Variants in CORO6 observed in about 807,000 individuals in gnomAD.
The protein encoded by CORO6 is coronin 6, also known as coronin-6.
Under a neutral mutation model 49.0 loss-of-function variants are expected in CORO6, and 43 were observed. The observed-to-expected ratio is 0.88, with a 90% confidence interval of 0.69 to 1.13. CORO6 has a LOEUF of 1.13. Ranked by LOEUF, CORO6 falls within the 50% of genes most tolerant of loss-of-function variation. The pLI is 0.00. For missense variants in CORO6, 650 were observed against 647.0 expected, an observed-to-expected ratio of 1.00 and a Z score of -0.05; for synonymous variants, 233 against 256.5, an observed-to-expected ratio of 0.91 and a Z score of 0.88.
Position 29,615,624 on chromosome 17 carries a change from C to T in CORO6, c.*108G>A. The T allele has an allele frequency of 2.4e-6, 3 of 1,266,916 alleles. No individual in the cohort carries two copies. The highest frequency in any genetic ancestry group is 3.1e-6 in the Non-Finnish European group (3 of 953,702). The allele number at this position is 1,266,916 out of a possible 1,614,324, so 78.5% of individuals were successfully genotyped here. A position where few individuals can be genotyped will look rare whatever the true frequency, so the allele number is the denominator to read the frequency against. ...AGGGGCGGAGTTCCCTCCCCAGTCC[C>T]GCCCCCGGGCCCAGCCCAAGAAGGC... On this transcript the variant is annotated 3_prime_UTR_variant, in exon 11 of 11. Transcript: ENST00000388767.
rs761284520 is a variant in CORO6, at chr17:29,616,901, A to G, written c.858+37T>C. The G allele has an allele frequency of 1.5e-5, 25 of 1,613,342 alleles. No individual in the cohort carries two copies. The highest frequency in any genetic ancestry group is 5.3e-5 in the African/African-American group (4 of 74,852). On this transcript the variant is annotated intron_variant, in intron 7 of 10. Coordinates refer to ENST00000388767, the MANE Select transcript of CORO6 (RefSeq NM_032854.4). The surrounding 1 kb of genome is among the most constrained non-coding windows in gnomAD (Gnocchi z 5.6). ...CCCGGACAAGGCCCTCCACATCTCC[A>G]TCCAGTGCCCTGTTCTCCCTGCCCG...
intron 6 of CORO6, 43 bp downstream of exon 6, chr17:29,617,457 G>A: frequency 1.9e-6 from 3 of 1,576,734 alleles, no homozygotes; most frequent in African/African-American, 1.3e-5. Context: ...CTCCCGTGAT[G>A]CCAGTCCCCG....
chr17:29,617,921 A>T, intron 5 of CORO6: 1 of 843,976 alleles, frequency 1.2e-6, no homozygotes, highest in African/African-American at 1.8e-5. Context: ...AGTCGCAGCG[A>T]GGCTTTTCCC....
At position 29,622,879 on chromosome 17, in the gene CORO6, G is replaced by T; in HGVS notation, c.-255C>A. On this transcript the variant is annotated 5_prime_UTR_variant, in exon 1 of 11. The change creates a new upstream start codon in the 5' untranslated region. Coordinates refer to ENST00000388767, the MANE Select transcript of CORO6 (RefSeq NM_032854.4). ...CTCTCTAGAGCCCGGCGCCGCTGCAGCCCCAGCTGCCGCTGCCATCAACCT... is the reference window on the plus strand; with the variant it reads ...CTCTCTAGAGCCCGGCGCCGCTGCATCCCCAGCTGCCGCTGCCATCAACCT... 7.8e-7 allele frequency: 1 copy of T among 1,288,438 alleles called. No individual in the cohort carries two copies. Among genetic ancestry groups the T allele is most frequent in the Non-Finnish European group, 1.0e-6 (1 of 983,908 alleles). 79.8% of individuals were successfully genotyped at this position (1,288,438 alleles called of 1,614,324 possible).
chr17:29,617,016 C>T lies in CORO6; in HGVS notation c.780G>A (p.Leu260=). 6.2e-7 allele frequency: 1 copy of T among 1,613,714 alleles called. No individual in the cohort carries two copies. Among genetic ancestry groups the T allele is most frequent in the Non-Finnish European group, 8.5e-7 (1 of 1,180,020 alleles). ...CCCCGTTGCTTGTGTCCATCTCCTG[C>T]AGTGCCACTGGCTCCTCGAAGTTGT... ...DPNNFEEPVA[L]QEMDTSNGVL... Residue 260 remains leucine, a synonymous_variant, in exon 7 of 11, where the codon CTG becomes CTA. Transcript: ENST00000388767.
At chr17:29,618,031 G>A (rs1472899246) in intron 5 of CORO6, 6 of 1,479,622 alleles carry the variant, frequency 4.1e-6, no homozygotes, top group Non-Finnish European at 5.3e-6. Context: ...TAGCGCGCCC[G>A]GCGCGGCCTG....
In CORO6 at chr17:29,615,869, G is replaced by T; in HGVS notation, c.1294-12C>A. The T allele has an allele frequency of 1.2e-6, 2 of 1,600,780 alleles. No homozygotes were observed. Among genetic ancestry groups the T allele is most frequent in the Non-Finnish European group, 1.7e-6 (2 of 1,174,490 alleles). On this transcript the variant is annotated splice_polypyrimidine_tract_variant and intron_variant, in intron 10 of 10. Coordinates refer to ENST00000388767, the MANE Select transcript of CORO6 (RefSeq NM_032854.4). The stretch of plus-strand genomic sequence containing the variant: ...AGGGTGTGCTGCTGCTGGGGCGGAG[G>T]ACAGAGAGGCCGTGTCGTATAGGGG...
In CORO6 at chr17:29,621,969, G is replaced by GT. The variant is rs1397250847; in HGVS notation, c.-63-486dup. 1 of 157,274 alleles carries GT rather than the reference G, an allele frequency of 6.4e-6. No homozygotes were observed. The allele number at this position is 157,274 out of a possible 1,614,324, so 9.7% of individuals were successfully genotyped here. On this transcript the variant is annotated intron_variant, in intron 1 of 10. Coordinates refer to ENST00000388767, the MANE Select transcript of CORO6 (RefSeq NM_032854.4). The surrounding 1 kb of genome is among the most constrained non-coding windows in gnomAD (Gnocchi z 4.2). ...CTCTGGAATAGTTCAGGCAGATGGG[G>GT]TTTTGCCTTTTCCTAAAATTTTGCC...
rs778302525 is a variant in CORO6, at chr17:29,616,263, T to A, written c.1062+16A>T. 5 of 1,611,376 alleles carry A rather than the reference T, an allele frequency of 3.1e-6. No individual in the cohort carries two copies. Among genetic ancestry groups the A allele is most frequent in the Non-Finnish European group, 4.2e-6 (5 of 1,178,898 alleles). On this transcript the variant is annotated intron_variant, in intron 9 of 10. Coordinates refer to ENST00000388767, the MANE Select transcript of CORO6 (RefSeq NM_032854.4). This position sits in a 1 kb window ranked among gnomAD's most constrained non-coding sequence, Gnocchi z 5.6. ...CCGCCTCGTAGCCCTGCCCAACCCT[T>A]CTCCCGGCCCCTCACCTTGCGGGGC...
At chr17:29,618,063 G>C in intron 5 of CORO6, 1 of 1,500,768 alleles carries the variant, frequency 6.7e-7, no homozygotes, top group South Asian at 1.2e-5. Flanking sequence ...CCCAGAGCGC[G>C]AGTTGCCGCT....
chr17:29,618,093 G>C (rs1358831648), intron 5 of CORO6: 1 of 1,480,808 alleles, frequency 6.8e-7, no homozygotes, highest in South Asian at 1.3e-5. Flanking sequence ...TGCTGAAGCC[G>C]GTGCTGAGCA....
At chr17:29,619,297 G>C (rs1368712583) in intron 3 of CORO6, 108 bp from the exon 4 acceptor site, 1 of 1,357,926 alleles carries the variant, frequency 7.4e-7, no homozygotes, top group African/African-American at 1.5e-5. Flanking sequence ...GAGTGGTAAG[G>C]GTCAAATACA....
In CORO6 at chr17:29,616,217, C is replaced by A. The variant is rs1461756024; in HGVS notation, c.1063-42G>T. On this transcript the variant is annotated intron_variant, in intron 9 of 10. Transcript: ENST00000388767. The surrounding 1 kb of genome is among the most constrained non-coding windows in gnomAD (Gnocchi z 5.6). ...ACAGGAGGACTTGCGTGAGAGGGTGCGGGGCTTGCTCCGCTCCCTTCCGCC... is the reference window on the plus strand; with the variant it reads ...ACAGGAGGACTTGCGTGAGAGGGTGAGGGGCTTGCTCCGCTCCCTTCCGCC... 6.2e-7 allele frequency: 1 copy of A among 1,609,382 alleles called. No homozygotes were observed. Among genetic ancestry groups the A allele is most frequent in the Non-Finnish European group, 8.5e-7 (1 of 1,177,356 alleles).
Position 29,616,305 on chromosome 17 carries a change from G to T in CORO6, c.1036C>A (p.Pro346Thr), listed in dbSNP as rs772048161. 5.0e-6 allele frequency: 8 copies of T among 1,610,530 alleles called. No homozygotes were observed. The highest frequency in any genetic ancestry group is 1.6e-4 in the Middle Eastern group (1 of 6,082). Residue 346 changes from proline (P) to threonine (T), a missense_variant, in exon 9 of 11, where the codon CCT (proline) becomes ACT (threonine). By Grantham distance (38) the Pro-to-Thr change is conservative. Coordinates refer to ENST00000388767, the MANE Select transcript of CORO6 (RefSeq NM_032854.4). The surrounding 1 kb of genome is among the most constrained non-coding windows in gnomAD (Gnocchi z 5.6). ...TTGCGGGGCACAGTCATGATGATAG[G>T]TTCACACTTTCTTTCGTGTAGCTTG... ...FYKLHERKCE[P>T]IIMTVPRKSD...
intron 5 of CORO6, chr17:29,618,021 T>C (rs2035085298): frequency 2.0e-6 from 3 of 1,464,944 alleles, no homozygotes; most frequent in Admixed American, 2.5e-5. Flanking sequence ...AGGAGCGAGC[T>C]AGCGCGCCCG....
At chr17:29,617,436 G>C in intron 6 of CORO6, 64 bp downstream of exon 6, 1 of 1,557,270 alleles carries the variant, frequency 6.4e-7, no homozygotes, top group East Asian at 2.3e-5. Context: ...GGTGGGGGGC[G>C]CCTGGCCACT....
At position 29,619,092 on chromosome 17, in the gene CORO6, T is replaced by G; in HGVS notation, c.419A>C (p.His140Pro). ...HSKRVGILSW[H>P]PTARNVLLSA... ...GAGCAGGACATTCCTGGCAGTAGGG[T>G]GCCAGGAGAGGATGCCCACACGCTT... Residue 140 changes from histidine to proline, a missense_variant, in exon 4 of 11, where the codon CAC becomes CCC. Transcript: ENST00000388767. 1 of 1,613,384 alleles carries G rather than the reference T, an allele frequency of 6.2e-7. No homozygotes were observed. The highest frequency in any genetic ancestry group is 8.5e-7 in the Non-Finnish European group (1 of 1,179,814).
chr17:29,619,468 C>T (rs1473546963), intron 3 of CORO6, among the ~76,000 whole-genome samples, 183 bp downstream of exon 3: 1 of 152,110 alleles, frequency 6.6e-6, no homozygotes, highest in Non-Finnish European at 1.5e-5. Context: ...ATAATTAGTC[C>T]TAAGCAGTGC....
At position 29,618,882 on chromosome 17, in the gene CORO6, C is replaced by T; in HGVS notation, c.541G>A (p.Val181Met). 1 of 1,613,922 alleles carries T rather than the reference C, an allele frequency of 6.2e-7. No homozygotes were observed. The highest frequency in any genetic ancestry group is 2.2e-5 in the East Asian group (1 of 44,882). ...AGGCTACCGTTGCTGTTCCAGCACA[C>T]ACTGTGGATGACGTCTGGGTGCATA... ...DDMHPDVIHS[V>M]CWNSNGSLLA... The change falls in exon 5 of 11, where the codon GTG (valine) becomes ATG (methionine). Residue 181 changes from valine to methionine, a missense_variant. Transcript: ENST00000388767.
Sources: allele counts gnomAD v4.1 joint callset (sites outside exome capture counted in the v4.1 genomes callset), GRCh38; gene constraint gnomAD v4.1.1; non-coding constraint Gnocchi (gnomAD v3.1); transcripts MANE v1.5; gene names NCBI Gene and HGNC (gene_info 2026-07-23, HGNC 2026-07-21).